The following TAF6L variants were observed in gnomAD, a reference collection of about 807,000 sequenced individuals.
TAF6L encodes TATA-box binding protein associated factor 6 like, also known as TAF6-like RNA polymerase II p300/CBP-associated factor-associated factor 65 kDa subunit 6L.
TAF6L carries 34 observed loss-of-function variants against 57.3 expected under a neutral mutation model. The ratio of observed to expected loss-of-function variants is 0.59; its 90% CI spans 0.45 to 0.79. The LOEUF (loss-of-function observed/expected upper bound fraction) is 0.79, where lower values mean the gene tolerates loss of function less well. TAF6L is among the 30% of genes least tolerant of loss of function. The pLI, the probability that TAF6L is intolerant of heterozygous loss-of-function variation, is 0.00. For synonymous variants in TAF6L, 417 were observed against 376.3 expected (o/e 1.11, Z -1.25); for missense variants, 782 against 853.2 (o/e 0.92, Z 1.04).
chr11:62,779,970 A>ATTTTTTTTTTT (rs1263442687), intron 6 of TAF6L, among the ~76,000 whole-genome samples: 1 of 64,414 alleles, frequency 1.6e-5, no homozygotes, highest in African/African-American at 4.5e-5. Context: ...ATATATATAT[A>ATTTTTTTTTTT]TATATATTTT....
At chr11:62,786,179 G>A (rs1400112166) in intron 9 of TAF6L, 81 bp from the exon 10 acceptor site, 1 of 1,522,840 alleles carries the variant, frequency 6.6e-7, no homozygotes, top group Non-Finnish European at 9.0e-7. Context: ...AGAGATAAAG[G>A]TAGGTCTTTC....
At chr11:62,782,624 T>C in intron 8 of TAF6L, 69 bp from the exon 9 acceptor site, 2 of 1,582,522 alleles carry the variant, frequency 1.3e-6, no homozygotes, top group Non-Finnish European at 1.7e-6. Context: ...ATTCTCTTTG[T>C]GTTGTCTTGT....
intron 6 of TAF6L, among the ~76,000 whole-genome samples, chr11:62,780,695 C>T (rs961254546): frequency 6.0e-5 from 9 of 151,174 alleles, no homozygotes; most frequent in African/African-American, 1.2e-4. Flanking sequence ...TTTGGGAGGC[C>T]GAGGTGGGTG....
intron 1 of TAF6L, among the ~76,000 whole-genome samples, chr11:62,772,942 A>G (rs1398296031): frequency 6.6e-6 from 1 of 151,066 alleles, no homozygotes. Flanking sequence ...CAGTGGTGCA[A>G]TCTCGGCTCA....
At chr11:62,778,664 G>A in intron 5 of TAF6L, 1 of 614,606 alleles carries the variant, frequency 1.6e-6, no homozygotes, top group Non-Finnish European at 2.9e-6. Context: ...AGGGTGGGTG[G>A]AAGACAGGAC....
Position 62,778,929 on chromosome 11 carries a change from G to T in TAF6L, c.497G>T (p.Arg166Leu). 6.2e-7 allele frequency: 1 copy of T among 1,614,046 alleles called. No homozygotes were observed. Among genetic ancestry groups the T allele is most frequent in the Non-Finnish European group, 8.5e-7 (1 of 1,180,012 alleles). The change falls in exon 6 of 11, where the codon CGT becomes CTT. Residue 166 changes from arginine to leucine, a missense_variant. Arg to Leu is a moderately radical substitution (Grantham distance 102, BLOSUM62 -2). Around this residue, in one of 3 missense-constraint regions of TAF6L, gnomAD observed 220 missense variants for 252.1 expected, o/e 0.87. Coordinates refer to ENST00000294168, the MANE Select transcript of TAF6L (RefSeq NM_006473.4). Reference sequence around the variant, plus strand: ...CTCAAGTACTATCACCAGGTGACTCGTGCTGTGCTAGGGGATGATCCGCAA... The same window carrying T: ...CTCAAGTACTATCACCAGGTGACTCTTGCTGTGCTAGGGGATGATCCGCAA... ...DLLKYYHQVT[R>L]AVLGDDPQLM...
intron 3 of TAF6L, among the ~76,000 whole-genome samples, chr11:62,777,646 T>G (rs2084196902): frequency 6.6e-6 from 1 of 151,836 alleles, no homozygotes; most frequent in Non-Finnish European, 1.5e-5. Context: ...GAGCGGTGAG[T>G]TGAGAGAGGA....
chr11:62,776,373 C>A lies in TAF6L; in HGVS notation c.148-11C>A. 3.1e-6 allele frequency: 5 copies of A among 1,612,984 alleles called. No individual in the cohort carries two copies. The highest frequency in any genetic ancestry group is 1.1e-5 in the South Asian group (1 of 91,032). ...ATCCTTTGACTCTGGCTTTTGTTCC[C>A]TCCCTCCCAGAATAGCTCTCAGTTC... On this transcript the variant is annotated splice_polypyrimidine_tract_variant and intron_variant, in intron 2 of 10. Transcript: ENST00000294168.
rs2134702996 is a variant in TAF6L at position 62,776,442 on chromosome 11, A to G, written c.206A>G (p.Asn69Ser). The G allele has an allele frequency of 1.2e-6, 2 of 1,613,762 alleles. No individual in the cohort carries two copies. The highest frequency in any genetic ancestry group is 1.7e-6 in the Non-Finnish European group (2 of 1,179,742). The change falls in exon 3 of 11, where the codon AAC (asparagine) becomes AGC (serine). Residue 69 changes from asparagine (N) to serine (S), a missense_variant. Physicochemically the swap from Asn to Ser is conservative, Grantham distance 46. Transcript: ENST00000294168. ...KRRKLTVEDF[N>S]RALRWSSVEA... ...CGGAAGCTGACGGTTGAGGACTTCA[A>G]CAGGGCCCTCAGATGGAGCAGCGTG...
At position 62,782,788 on chromosome 11, in the gene TAF6L, AT is replaced by A; in HGVS notation, c.924del (p.Tyr308Ter). ...CCTGTGCGGCCGCTCTGCTGCCACT[AT>A]GGAGCCGTGGTGGGGCTGCATGCTC... ...ADPVRPLCCH[Y>X]GAVVGLHALG... On this transcript the variant is annotated frameshift_variant, in exon 9 of 11. Transcript: ENST00000294168. LOFTEE classifies it high-confidence loss of function. The A allele has an allele frequency of 6.2e-7, 1 of 1,613,772 alleles. No homozygotes were observed. The highest frequency in any genetic ancestry group is 8.5e-7 in the Non-Finnish European group (1 of 1,180,000).
In TAF6L at chr11:62,782,350, A is replaced by AAG. The variant is rs1565189170; in HGVS notation, c.827+18_827+19insGA. The AAG allele has an allele frequency of 1.2e-6, 2 of 1,610,856 alleles. No homozygotes were observed. The highest frequency in any genetic ancestry group is 1.7e-5 in the Admixed American group (1 of 59,852). ...CATCTTCTGGTAGCCACTGGGCCTA[A>AAG]ACCTGCGGGTGGGATTGCTGCAGAG... On this transcript the variant is annotated intron_variant, in intron 8 of 10. Transcript: ENST00000294168.
At chr11:62,776,954 C>T (rs1413189340) in intron 3 of TAF6L, among the ~76,000 whole-genome samples, 1 of 152,042 alleles carries the variant, frequency 6.6e-6, no homozygotes, top group Non-Finnish European at 1.5e-5. Context: ...TGAGACCAAC[C>T]TGCCCAACAT....
chr11:62,776,299 C>T, intron 2 of TAF6L, 85 bp from the exon 3 acceptor site: 1 of 1,401,224 alleles, frequency 7.1e-7, no homozygotes, highest in Non-Finnish European at 1.0e-6. Context: ...TTTGCCTTCT[C>T]TCCAGTCTGG....
Position 62,778,266 on chromosome 11 carries a change from C to A in TAF6L, c.386-19C>A. 7 of 1,614,150 alleles carry A rather than the reference C, an allele frequency of 4.3e-6. No homozygotes were observed. The highest frequency in any genetic ancestry group is 5.1e-6 in the Non-Finnish European group (6 of 1,180,022). On this transcript the variant is annotated intron_variant, in intron 4 of 10. Transcript: ENST00000294168. The stretch of plus-strand genomic sequence containing the variant: ...GGGGCAAAACGCCAGGCTGACACAT[C>A]TCTCTGCACTGCTTCTAGTTCATGT...
rs2084272964 is a variant in TAF6L at position 62,786,163 on chromosome 11, A to G, written c.961-97A>G. On this transcript the variant is annotated intron_variant, in intron 9 of 10. Coordinates refer to ENST00000294168, the MANE Select transcript of TAF6L (RefSeq NM_006473.4). The stretch of plus-strand genomic sequence containing the variant: ...AATTTAGGAGGATTGAGCCCTGTCT[A>G]GGATCAGAGATAAAGGTAGGTCTTT... 2.0e-6 allele frequency: 3 copies of G among 1,467,098 alleles called. No individual in the cohort carries two copies. In the African/African-American group the frequency reaches 4.2e-5, roughly 20 times the overall value. 90.9% of individuals were successfully genotyped at this position (1,467,098 alleles called of 1,614,324 possible).
chr11:62,781,769 C>T, intron 6 of TAF6L, 125 bp from the exon 7 acceptor site: 1 of 831,424 alleles, frequency 1.2e-6, no homozygotes, highest in South Asian at 1.5e-5. Context: ...ATTGCTAGAT[C>T]AAAGAATATG....
chr11:62,776,223 G>A (rs2084187076), intron 2 of TAF6L, among the ~76,000 whole-genome samples, 161 bp from the exon 3 acceptor site: 3 of 152,124 alleles, frequency 2.0e-5, no homozygotes, highest in South Asian at 2.1e-4. Context: ...TGTGACACCC[G>A]GGGGGTGTTT....
Position 62,776,370 on chromosome 11 carries a change from T to C in TAF6L, c.148-14T>C, listed in dbSNP as rs368340031. 4.0e-5 allele frequency: 65 copies of C among 1,612,756 alleles called. No homozygotes were observed. In the African/African-American group the frequency reaches 7.6e-4, roughly 19 times the overall value. On this transcript the variant is annotated splice_polypyrimidine_tract_variant and intron_variant, in intron 2 of 10. Transcript: ENST00000294168. ...CACATCCTTTGACTCTGGCTTTTGT[T>C]CCCTCCCTCCCAGAATAGCTCTCAG...
intron 8 of TAF6L, 171 bp from the exon 9 acceptor site, chr11:62,782,522 A>G: frequency 4.6e-6 from 5 of 1,081,328 alleles, no homozygotes; most frequent in Non-Finnish European, 6.6e-6. Flanking sequence ...ACGCCAAGGT[A>G]TTGGTTCTTC....
Sources: gnomAD v4.1 joint callset for allele counts (sites outside exome capture counted in the v4.1 genomes callset) on GRCh38, gnomAD v4.1.1 for gene constraint, gnomAD v4.1.1 regional missense constraint, MANE v1.5 for transcripts, NCBI Gene and HGNC (gene_info 2026-07-23, HGNC 2026-07-21) for gene names.